The following SPATA6 variants were observed in gnomAD, a reference collection of about 807,000 sequenced individuals.
SPATA6 encodes spermatogenesis-associated protein 6.
SPATA6 carries 56 observed loss-of-function variants against 65.3 expected under a neutral mutation model. The observed-to-expected ratio is 0.86, with a 90% confidence interval of 0.69 to 1.07. The LOEUF (loss-of-function observed/expected upper bound fraction) is 1.07. Ranked by LOEUF, SPATA6 falls within the 50% of genes least tolerant of loss-of-function variation. The pLI is 0.00. For missense variants in SPATA6, 590 were observed against 594.8 expected, an observed-to-expected ratio of 0.99 and a Z score of 0.08; for synonymous variants, 199 against 213.2, an observed-to-expected ratio of 0.93 and a Z score of 0.58.
At chr1:48,267,908 C>T in the SPATA6 span, among the ~76,000 whole-genome samples, 5,754 of 151,674 alleles carry the variant, frequency 0.038, 356 homozygotes, top group African/African-American at 0.13. Context: ...CCCGCCACCA[C>T]GCTTGGCTAA....
intron 7 of SPATA6, 89 bp downstream of exon 7, chr1:48,399,262 G>T: frequency 1.4e-6 from 2 of 1,384,016 alleles, no homozygotes; most frequent in Non-Finnish European, 2.0e-6. Flanking sequence ...ATTAATATAA[G>T]CTAGAAGTTG....
chr1:48,449,989 T>C (rs1023900178), intron 3 of SPATA6, among the ~76,000 whole-genome samples: 11 of 152,156 alleles, frequency 7.2e-5, no homozygotes, highest in African/African-American at 2.7e-4. Context: ...CATCACATTC[T>C]ATTCTCTCCA....
At chr1:48,444,474 C>T (rs1255982699) in intron 3 of SPATA6, among the ~76,000 whole-genome samples, 1 of 152,124 alleles carries the variant, frequency 6.6e-6, no homozygotes, top group East Asian at 1.9e-4. Flanking sequence ...AATCGGCACT[C>T]TGTAAAAACA....
chr1:48,331,267 T>C (rs1255352332), intron 11 of SPATA6, among the ~76,000 whole-genome samples: 1 of 151,604 alleles, frequency 6.6e-6, no homozygotes, highest in Non-Finnish European at 1.5e-5. Flanking sequence ...AGAATATGAA[T>C]AGAAATGAAG....
At chr1:48,414,767 C>G (rs1336226499) in intron 3 of SPATA6, among the ~76,000 whole-genome samples, 4 of 152,090 alleles carry the variant, frequency 2.6e-5, no homozygotes, top group Admixed American at 2.6e-4. Context: ...TAGCTTTCAG[C>G]AAATAAGTAC....
the SPATA6 span, among the ~76,000 whole-genome samples, chr1:48,275,825 T>C: frequency 6.6e-6 from 1 of 152,230 alleles, no homozygotes; most frequent in African/African-American, 2.4e-5. Context: ...CAGGTTTTGG[T>C]ATCAGGATGA....
chr1:48,304,909 C>T (rs1645024917), intron 12 of SPATA6, among the ~76,000 whole-genome samples: 1 of 152,126 alleles, frequency 6.6e-6, no homozygotes. Context: ...AAAAAATACT[C>T]TTCCTCAGGG....
downstream of SPATA6, among the ~76,000 whole-genome samples, chr1:48,291,490 G>T (rs568202860): frequency 6.6e-6 from 1 of 152,308 alleles, no homozygotes; most frequent in East Asian, 1.9e-4. Context: ...GCATCACACA[G>T]GTCACCAGGG....
intron 4 of SPATA6, among the ~76,000 whole-genome samples, chr1:48,411,935 C>G (rs575746102): frequency 6.6e-6 from 1 of 151,998 alleles, no homozygotes; most frequent in East Asian, 1.9e-4. Flanking sequence ...GCCATCTCAG[C>G]TCACTGCAAC....
chr1:48,417,984 TTC>T (rs1473258336), intron 3 of SPATA6, among the ~76,000 whole-genome samples: 1 of 152,170 alleles, frequency 6.6e-6, no homozygotes, highest in Admixed American at 6.5e-5. Context: ...TATGGAAGGA[TTC>T]TGATTATATA....
chr1:48,334,672 A>C (rs550213855), intron 11 of SPATA6, among the ~76,000 whole-genome samples: 1 of 152,266 alleles, frequency 6.6e-6, no homozygotes, highest in African/African-American at 2.4e-5. Flanking sequence ...CCCACAGCTA[A>C]CATCACACTG....
intron 6 of SPATA6, among the ~76,000 whole-genome samples, 191 bp downstream of exon 6, chr1:48,403,611 C>T (rs2147947476): frequency 6.6e-6 from 1 of 152,174 alleles, no homozygotes; most frequent in African/African-American, 2.4e-5. Context: ...TCATACACAC[C>T]AAGCTCTTCA....
At chr1:48,290,872 A>G (rs561765650), downstream of SPATA6, among the ~76,000 whole-genome samples, 1 of 152,144 alleles carries the variant, frequency 6.6e-6, no homozygotes, top group South Asian at 2.1e-4. Flanking sequence ...CTACAAAGAG[A>G]CTTAGACTCC....
intron 3 of SPATA6, chr1:48,448,115 A>T (rs1207565533): frequency 6.6e-6 from 1 of 152,000 alleles, no homozygotes; most frequent in African/African-American, 2.4e-5. Flanking sequence ...AAAAAAAATT[A>T]GCTGGCATGG....
At chr1:48,312,313 C>G (rs942552820) in intron 11 of SPATA6, among the ~76,000 whole-genome samples, 3 of 152,130 alleles carry the variant, frequency 2.0e-5, no homozygotes, top group African/African-American at 2.4e-5. Context: ...GGGAGGCACC[C>G]CCCAGTAGGG....
At chr1:48,402,671 A>G (rs1033164184) in intron 6 of SPATA6, 2 of 152,188 alleles carry the variant, frequency 1.3e-5, no homozygotes, top group Non-Finnish European at 2.9e-5. Flanking sequence ...CAGCAAATTT[A>G]CTTGAATACT....
intron 11 of SPATA6, among the ~76,000 whole-genome samples, chr1:48,322,948 T>C (rs924180029): frequency 2.0e-5 from 3 of 152,118 alleles, no homozygotes; most frequent in East Asian, 1.9e-4. Context: ...TGTAGAGAAA[T>C]AGGAACCCTT....
the SPATA6 span, among the ~76,000 whole-genome samples, chr1:48,278,896 T>G: frequency 2.0e-5 from 3 of 152,142 alleles, no homozygotes; most frequent in African/African-American, 7.2e-5. Context: ...CACCAAAGTT[T>G]AAATAAAGGC....
rs551643930 is a variant in SPATA6 at position 48,437,123 on chromosome 1, C to T, written c.238+14429G>A. 392 of 1,599,970 alleles carry T rather than the reference C, an allele frequency of 2.5e-4. 9 individuals carry two copies. In the South Asian group the frequency reaches 4.1e-3, roughly 17 times the overall value. On this transcript the variant is annotated intron_variant, in intron 3 of 12. Transcript: ENST00000371847. ...GATTCAATACTTTCACGGTTGCCTC[C>T]TGCTTATAACAAGCCATCAATACCA...
Sources: allele counts gnomAD v4.1 joint callset (sites outside exome capture counted in the v4.1 genomes callset), GRCh38; gene constraint gnomAD v4.1.1; transcripts MANE v1.5; gene names NCBI Gene and HGNC (gene_info 2026-07-23, HGNC 2026-07-21).